Variants in PPP1R37 observed in about 807,000 individuals in gnomAD.
The protein encoded by PPP1R37 is leucine rich repeat containing 68.
A neutral mutation model predicts 61.0 loss-of-function variants in PPP1R37; 21 were observed. The observed-to-expected ratio is 0.34, with a 90% CI of 0.24 to 0.50. The LOEUF (loss-of-function observed/expected upper bound fraction) is 0.50, where lower values mean the gene tolerates loss of function less well. PPP1R37 is among the 20% of genes least tolerant of loss of function. PPP1R37 has a pLI of 0.98. For synonymous variants in PPP1R37, 443 were observed against 433.5 expected (o/e 1.02, Z -0.27); for missense variants, 910 against 952.7 (o/e 0.96, Z 0.59).
chr19:45,099,507 C>T (rs1336107470), intron 1 of PPP1R37, among the ~76,000 whole-genome samples: 1 of 152,234 alleles, frequency 6.6e-6, no homozygotes. Flanking sequence ...CCCCAGCCCC[C>T]TGCCCTGTTG....
chr19:45,128,554 C>G (rs564282261), intron 1 of PPP1R37: 5 of 1,233,734 alleles, frequency 4.1e-6, no homozygotes, highest in Non-Finnish European at 5.8e-6. Context: ...GAGCTGGAAT[C>G]GAAGCCTCTT....
At chr19:45,101,648 G>T (rs1343583733) in intron 1 of PPP1R37, among the ~76,000 whole-genome samples, 1 of 152,196 alleles carries the variant, frequency 6.6e-6, no homozygotes, top group Non-Finnish European at 1.5e-5. Flanking sequence ...AGTCCAGGAG[G>T]TCGAGGCTTT....
intron 1 of PPP1R37, among the ~76,000 whole-genome samples, chr19:45,095,042 A>C (rs550276195): frequency 6.6e-6 from 1 of 152,302 alleles, no homozygotes; most frequent in African/African-American, 2.4e-5. Context: ...GTGGTTCTGT[A>C]GAAGCTGATC....
intron 1 of PPP1R37, chr19:45,128,546 GC>G: frequency 8.3e-7 from 1 of 1,208,930 alleles, no homozygotes; most frequent in South Asian, 1.3e-5. Flanking sequence ...GTTTGCGAGA[GC>G]TGGAATCGAA....
At chr19:45,094,732 GA>G (rs747403892) in intron 1 of PPP1R37, among the ~76,000 whole-genome samples, 3,654 of 134,386 alleles carry the variant, frequency 0.027, 121 homozygotes, top group East Asian at 0.088. Context: ...CCGGCTCAAA[GA>G]AAAAAAAAAA....
intron 1 of PPP1R37, among the ~76,000 whole-genome samples, chr19:45,104,806 G>A (rs1359704120): frequency 6.6e-6 from 1 of 151,952 alleles, no homozygotes; most frequent in African/African-American, 2.4e-5. Flanking sequence ...CTGGGTTCAA[G>A]CCATCGTGGC....
chr19:45,135,779 CTTTTTTTT>C (rs546534256), intron 1 of PPP1R37, among the ~76,000 whole-genome samples: 1 of 128,840 alleles, frequency 7.8e-6, no homozygotes, highest in South Asian at 2.4e-4. Context: ...TTTGCATTTC[CTTTTTTTT>C]TTTTTTTTTT....
Position 45,145,822 on chromosome 19 carries a change from C to G in PPP1R37, c.1766C>G (p.Pro589Arg). 7.0e-7 allele frequency: 1 copy of G among 1,418,848 alleles called. No individual in the cohort carries two copies. The highest frequency in any genetic ancestry group is 9.3e-7 in the Non-Finnish European group (1 of 1,078,566). The allele number at this position is 1,418,848 out of a possible 1,614,324, so 87.9% of individuals were successfully genotyped here. Residue 589 changes from proline to arginine, a missense_variant, in exon 11 of 13, where the codon CCT becomes CGT. Physicochemically the swap from Pro to Arg is moderately radical, Grantham distance 103. Coordinates refer to ENST00000221462, the MANE Select transcript of PPP1R37 (RefSeq NM_019121.2). ...GCAGAGCCCCCTGCGTCCCCCACCC[C>G]TCCCTCTCCCCCACCCCCTCCCTCC... ...ERAEPPASPT[P>R]PSPPPPPSPP...
At position 45,093,259 on chromosome 19, in the gene PPP1R37, A is replaced by G. The variant is rs10424517; in HGVS notation, c.-67A>G. On this transcript the variant is annotated 5_prime_UTR_variant, in exon 1 of 13. Coordinates refer to ENST00000221462, the MANE Select transcript of PPP1R37 (RefSeq NM_019121.2). ...GCCCATGCCCCGGGACGGCGGGCGG[A>G]CCCGGAGAGACAAATCCGGGGCCCG... 189,738 of 1,240,954 alleles carry G rather than the reference A, an allele frequency of 0.15. 15,369 individuals carry two copies. The highest frequency in any genetic ancestry group is 0.17 in the Middle Eastern group (574 of 3,402). The allele number at this position is 1,240,954 out of a possible 1,614,324, so 76.9% of individuals were successfully genotyped here.
intron 1 of PPP1R37, among the ~76,000 whole-genome samples, chr19:45,107,058 C>T (rs1460000101): frequency 6.6e-6 from 1 of 151,822 alleles, no homozygotes; most frequent in East Asian, 1.9e-4. Flanking sequence ...ACTCGTGATC[C>T]GCCCACCTTG....
intron 7 of PPP1R37, 29 bp from the exon 8 acceptor site, chr19:45,143,492 A>T: frequency 7.1e-7 from 1 of 1,402,950 alleles, no homozygotes. Context: ...CGGACCCCAG[A>T]CAGGGCTCTG....
chr19:45,107,289 G>A (rs928731811), intron 1 of PPP1R37, among the ~76,000 whole-genome samples: 3 of 151,928 alleles, frequency 2.0e-5, no homozygotes, highest in Admixed American at 6.6e-5. Context: ...GGGCAACATA[G>A]CAAGACCCAG....
At chr19:45,144,580 G>A (rs1399391061) in intron 8 of PPP1R37, 1 of 471,228 alleles carries the variant, frequency 2.1e-6, no homozygotes, top group African/African-American at 2.0e-5. Context: ...TCCAGGCCCT[G>A]GCCAGGGGCC....
At chr19:45,116,009 G>T (rs543124018) in intron 1 of PPP1R37, among the ~76,000 whole-genome samples, 2 of 152,062 alleles carry the variant, frequency 1.3e-5, no homozygotes, top group Admixed American at 6.6e-5. Context: ...CACATGGGGG[G>T]ACTCGGGTGC....
intron 1 of PPP1R37, among the ~76,000 whole-genome samples, chr19:45,104,477 G>C (rs1202695610): frequency 2.0e-5 from 3 of 152,190 alleles, no homozygotes; most frequent in African/African-American, 7.2e-5. Context: ...TTCGTTCACT[G>C]AGTCCTTTTT....
intron 1 of PPP1R37, among the ~76,000 whole-genome samples, chr19:45,117,255 G>T (rs113405869): frequency 0.091 from 13,785 of 152,126 alleles, 884 homozygotes; most frequent in Non-Finnish European, 0.13. Context: ...CAAGTCAGCT[G>T]CGGCTTAAGC....
At chr19:45,146,103 C>T in intron 11 of PPP1R37, 54 bp downstream of exon 11, 2 of 1,447,468 alleles carry the variant, frequency 1.4e-6, no homozygotes, top group Non-Finnish European at 9.1e-7. Context: ...GTATGTGACC[C>T]CAGGCAAGCC....
At chr19:45,129,369 G>A (rs1261630585) in intron 1 of PPP1R37, among the ~76,000 whole-genome samples, 1 of 152,116 alleles carries the variant, frequency 6.6e-6, no homozygotes, top group Admixed American at 6.6e-5. Flanking sequence ...GCACCATCTC[G>A]GCTTACTGCA....
intron 1 of PPP1R37, among the ~76,000 whole-genome samples, chr19:45,129,510 G>C (rs1458453460): frequency 6.6e-6 from 1 of 152,192 alleles, no homozygotes; most frequent in African/African-American, 2.4e-5. Flanking sequence ...TGTTGGCCAG[G>C]CTGGTCTTGA....
Sources: allele counts gnomAD v4.1 joint callset (sites outside exome capture counted in the v4.1 genomes callset), GRCh38; gene constraint gnomAD v4.1.1; transcripts MANE v1.5; gene names NCBI Gene and HGNC (gene_info 2026-07-23, HGNC 2026-07-21).